Variants in FGF14 observed in about 807,000 individuals in gnomAD.
The protein encoded by FGF14 is fibroblast growth factor 14, also known as fibroblast growth factor homologous factor 4.
In FGF14, 5 loss-of-function variants were observed where a neutral mutation model predicts 25.5. The ratio of observed to expected loss-of-function variants is 0.20; its 90% CI spans 0.10 to 0.41. The LOEUF (loss-of-function observed/expected upper bound fraction) is 0.41, where lower values mean the gene tolerates loss of function less well. FGF14 is among the 10% of genes least tolerant of loss of function. The probability of loss-of-function intolerance (pLI) is 1.00; values close to 1 mark genes in which losing one functional copy is unlikely to be tolerated. For missense variants in FGF14, 222 were observed against 320.1 expected (o/e 0.69, Z 2.34); for synonymous variants, 138 against 118.3 (o/e 1.17, Z -1.08).
At chr13:102,155,955 C>G (rs201121184) in intron 1 of FGF14, among the ~76,000 whole-genome samples, 1 of 152,104 alleles carries the variant, frequency 6.6e-6, no homozygotes, top group Non-Finnish European at 1.5e-5. Context: ...CAAGACTAAA[C>G]CAGGAAGAAG....
At chr13:102,358,778 T>C (rs905474826) in intron 1 of FGF14, among the ~76,000 whole-genome samples, 2 of 152,200 alleles carry the variant, frequency 1.3e-5, no homozygotes, top group African/African-American at 4.8e-5. Context: ...TCATCTGAGA[T>C]TAACTCTATA....
chr13:102,026,997 C>CA (rs2040962141), intron 1 of FGF14, among the ~76,000 whole-genome samples: 1 of 151,824 alleles, frequency 6.6e-6, no homozygotes, highest in Non-Finnish European at 1.5e-5. Context: ...ACTCATAAAC[C>CA]TAAAGGGGCT....
At chr13:102,116,749 G>A (rs2045491487) in intron 1 of FGF14, among the ~76,000 whole-genome samples, 1 of 152,120 alleles carries the variant, frequency 6.6e-6, no homozygotes, top group South Asian at 2.1e-4. Flanking sequence ...TAGTGGAGAT[G>A]GTTGCCAAAT....
chr13:102,122,906 C>T (rs555392713), intron 1 of FGF14, among the ~76,000 whole-genome samples: 12 of 152,228 alleles, frequency 7.9e-5, no homozygotes, highest in Admixed American at 6.5e-4. Context: ...AAAATTGCTC[C>T]AAGTCGCAGA....
chr13:102,209,468 G>T (rs1724195730), intron 1 of FGF14, among the ~76,000 whole-genome samples: 1 of 152,198 alleles, frequency 6.6e-6, no homozygotes, highest in South Asian at 2.1e-4. Context: ...AAAGAAAGAA[G>T]ATTTGTTCCA....
At chr13:101,956,468 G>T (rs2036520962) in intron 1 of FGF14, among the ~76,000 whole-genome samples, 1 of 152,050 alleles carries the variant, frequency 6.6e-6, no homozygotes, top group East Asian at 1.9e-4. Flanking sequence ...AATATACAAG[G>T]CCTGGAATGT....
At chr13:101,894,864 C>A (rs1256021395) in intron 1 of FGF14, among the ~76,000 whole-genome samples, 2 of 152,058 alleles carry the variant, frequency 1.3e-5, no homozygotes, top group African/African-American at 4.8e-5. Context: ...CTTTCCAGCA[C>A]AATTTGCATT....
intron 2 of FGF14, among the ~76,000 whole-genome samples, chr13:101,870,708 C>A (rs2045012367): frequency 6.6e-6 from 1 of 152,176 alleles, no homozygotes; most frequent in African/African-American, 2.4e-5. Context: ...TATCCCAGCA[C>A]TTCGGGAAGC....
intron 3 of FGF14, among the ~76,000 whole-genome samples, chr13:101,731,998 T>C (rs1480562555): frequency 6.6e-6 from 1 of 152,178 alleles, no homozygotes; most frequent in African/African-American, 2.4e-5. Context: ...TTGAGGACTT[T>C]CCAACCTAAG....
chr13:102,320,965 C>A (rs974042960), intron 1 of FGF14, among the ~76,000 whole-genome samples: 1 of 152,090 alleles, frequency 6.6e-6, no homozygotes, highest in Non-Finnish European at 1.5e-5. Context: ...CTCAAAATAG[C>A]CTCTCTCTAA....
At chr13:101,945,209 T>A (rs1475471210) in intron 1 of FGF14, among the ~76,000 whole-genome samples, 1 of 152,006 alleles carries the variant, frequency 6.6e-6, no homozygotes, top group Admixed American at 6.5e-5. Context: ...TCCCAGCTAC[T>A]TGGGAGGCTG....
At position 102,136,673 on chromosome 13, in the gene FGF14, A is replaced by C. The variant is rs58141119; in HGVS notation, c.209-261377T>G. On this transcript the variant is annotated intron_variant, in intron 1 of 4. Coordinates refer to the FGF14 transcript ENST00000376131. Reference sequence around the variant, plus strand: ...ATAAATTCTATGGGAAAAAAAAAAAAAAAACCTGAGACTGATAAAGTTAGT... The same window carrying C: ...ATAAATTCTATGGGAAAAAAAAAAACAAAACCTGAGACTGATAAAGTTAGT... Among the ~76,000 whole-genome samples the C allele has an allele frequency of 4.2e-3, 645 of 152,252 alleles. 6 individuals are homozygous for C. Among genetic ancestry groups the C allele is most frequent in the African/African-American group, 0.015 (617 of 41,536 alleles).
intron 1 of FGF14, among the ~76,000 whole-genome samples, chr13:102,097,582 A>G (rs963422113): frequency 6.6e-6 from 1 of 152,186 alleles, no homozygotes; most frequent in Non-Finnish European, 1.5e-5. Context: ...CCAAAATCTT[A>G]GACTGACGCA....
At chr13:102,161,570 A>T (rs1255097705) in intron 1 of FGF14, among the ~76,000 whole-genome samples, 3 of 5,648 alleles carry the variant, frequency 5.3e-4, no homozygotes, top group African/African-American at 6.0e-3. Flanking sequence ...TTCTGTGAAG[A>T]AAGAAAGAAG....
chr13:102,331,598 T>G (rs1006889732), intron 1 of FGF14, among the ~76,000 whole-genome samples: 2 of 152,166 alleles, frequency 1.3e-5, no homozygotes, highest in Non-Finnish European at 2.9e-5. Context: ...ACAATGCATC[T>G]CCAAGGGGAT....
chr13:102,148,963 T>A (rs963331834), intron 1 of FGF14, among the ~76,000 whole-genome samples: 1 of 152,176 alleles, frequency 6.6e-6, no homozygotes, highest in African/African-American at 2.4e-5. Context: ...CGCACATGTA[T>A]ACACACAAAC....
At chr13:101,777,561 G>A (rs938708824) in intron 3 of FGF14, among the ~76,000 whole-genome samples, 3 of 152,112 alleles carry the variant, frequency 2.0e-5, no homozygotes, top group African/African-American at 7.2e-5. Flanking sequence ...ATGACTCCCC[G>A]AGGGAAGCCT....
intron 1 of FGF14, 110 bp downstream of exon 1, chr13:101,916,343 G>C (rs557653297): frequency 8.5e-5 from 115 of 1,352,154 alleles, no homozygotes; most frequent in Admixed American, 3.0e-4. Context: ...AGGGAGGCCG[G>C]GGCCGGGGTG....
intron 1 of FGF14, among the ~76,000 whole-genome samples, chr13:102,187,717 C>T (rs1039554528): frequency 5.9e-5 from 9 of 152,156 alleles, no homozygotes; most frequent in Admixed American, 3.3e-4. Context: ...TGAAAGCCCA[C>T]AAAACAGCAC....
Sources: allele counts gnomAD v4.1 joint callset (sites outside exome capture counted in the v4.1 genomes callset), GRCh38; gene constraint gnomAD v4.1.1; transcripts MANE v1.5; gene names NCBI Gene and HGNC (gene_info 2026-07-23, HGNC 2026-07-21).